The following SPMIP2 variants were observed in gnomAD, a reference collection of about 807,000 sequenced individuals.
SPMIP2 encodes sperm microtubule inner protein 2, also known as protein SPMIP2.
At chr4:158,970,491 G>A in the SPMIP2 span, among the ~76,000 whole-genome samples, 3 of 151,852 alleles carry the variant, frequency 2.0e-5, no homozygotes, top group Non-Finnish European at 2.9e-5. Context: ...AGTGAGCTAT[G>A]AGCATGCCAC....
At chr4:159,069,406 A>G in the SPMIP2 span, among the ~76,000 whole-genome samples, 1 of 152,156 alleles carries the variant, frequency 6.6e-6, no homozygotes, top group Non-Finnish European at 1.5e-5. Flanking sequence ...TTTAGGAAGT[A>G]TGAATTTAGG....
chr4:158,978,170 T>C, the SPMIP2 span, among the ~76,000 whole-genome samples: 1 of 152,214 alleles, frequency 6.6e-6, no homozygotes, highest in African/African-American at 2.4e-5. Flanking sequence ...CTTCATTTCG[T>C]TATTTACCCA....
chr4:158,893,865 A>G, the SPMIP2 span: 3 of 565,018 alleles, frequency 5.3e-6, no homozygotes, highest in Non-Finnish European at 9.3e-6. Flanking sequence ...AATTCTTTTT[A>G]CTTCCTTTGG....
chr4:158,926,877 T>C, the SPMIP2 span, among the ~76,000 whole-genome samples: 1 of 152,124 alleles, frequency 6.6e-6, no homozygotes, highest in Non-Finnish European at 1.5e-5. Context: ...GGCACTGAGG[T>C]TGAAAAATTA....
chr4:159,020,981 T>C, the SPMIP2 span, among the ~76,000 whole-genome samples: 1 of 152,202 alleles, frequency 6.6e-6, no homozygotes, highest in African/African-American at 2.4e-5. Context: ...CAGGATGGTC[T>C]CGATCTCCTG....
chr4:158,975,414 GGGTTTTTAT>G, the SPMIP2 span, among the ~76,000 whole-genome samples: 1 of 152,102 alleles, frequency 6.6e-6, no homozygotes, highest in Admixed American at 6.5e-5. Context: ...TTTTCTTCTA[GGGTTTTTAT>G]GGTTTTAGGT....
At chr4:158,958,516 C>G in the SPMIP2 span, among the ~76,000 whole-genome samples, 1 of 152,196 alleles carries the variant, frequency 6.6e-6, no homozygotes, top group African/African-American at 2.4e-5. Context: ...AGGGCATATA[C>G]TGAGGCTGGC....
the SPMIP2 span, among the ~76,000 whole-genome samples, chr4:159,076,218 T>C: frequency 5.9e-5 from 9 of 152,182 alleles, no homozygotes; most frequent in Non-Finnish European, 1.0e-4. Flanking sequence ...CCTCAAACCT[T>C]GGTCTGTGTC....
chr4:158,981,386 C>T, the SPMIP2 span, among the ~76,000 whole-genome samples: 1 of 152,046 alleles, frequency 6.6e-6, no homozygotes, highest in Non-Finnish European at 1.5e-5. Context: ...AGAAGAGCAA[C>T]CCCAAGACAC....
the SPMIP2 span, among the ~76,000 whole-genome samples, chr4:159,038,026 C>T: frequency 6.6e-6 from 1 of 151,578 alleles, no homozygotes; most frequent in African/African-American, 2.4e-5. Flanking sequence ...ATGCATTTAC[C>T]AGTTTATTCA....
the SPMIP2 span, among the ~76,000 whole-genome samples, chr4:158,961,056 C>G: frequency 2.6e-5 from 4 of 152,144 alleles, no homozygotes; most frequent in East Asian, 7.7e-4. Flanking sequence ...TGGTCTATAA[C>G]CATTTCTCAA....
chr4:159,082,465 G>GTGTGTGTA, the SPMIP2 span, among the ~76,000 whole-genome samples: 3,568 of 149,290 alleles, frequency 0.024, 114 homozygotes, highest in South Asian at 0.093. Flanking sequence ...GTGTGTGTGT[G>GTGTGTGTA]TGTGTGTGTG....
At chr4:158,964,790 A>G in the SPMIP2 span, among the ~76,000 whole-genome samples, 1 of 152,188 alleles carries the variant, frequency 6.6e-6, no homozygotes. Context: ...ACTTACAATC[A>G]TGGCAGAAAA....
At chr4:158,898,631 T>G in the SPMIP2 span, among the ~76,000 whole-genome samples, 1 of 152,170 alleles carries the variant, frequency 6.6e-6, no homozygotes, top group South Asian at 2.1e-4. Context: ...GTGATTTGGC[T>G]CTCTGTCTGT....
chr4:159,007,020 A>G, the SPMIP2 span: 1 of 421,826 alleles, frequency 2.4e-6, no homozygotes, highest in Non-Finnish European at 4.6e-6. Flanking sequence ...TTGTCCTGTG[A>G]AAGTTTTGAT....
At chr4:159,037,255 G>A in the SPMIP2 span, among the ~76,000 whole-genome samples, 27 of 152,118 alleles carry the variant, frequency 1.8e-4, no homozygotes, top group African/African-American at 4.8e-4. Flanking sequence ...AACCAGGTTA[G>A]CTCTTCTCCA....
the SPMIP2 span, among the ~76,000 whole-genome samples, chr4:159,025,845 G>A: frequency 1.3e-5 from 2 of 152,010 alleles, no homozygotes; most frequent in Non-Finnish European, 2.9e-5. Context: ...AAGAGTTAAG[G>A]GGAAAGCCGA....
the SPMIP2 span, among the ~76,000 whole-genome samples, chr4:159,036,019 T>C: frequency 7.9e-5 from 12 of 152,238 alleles, no homozygotes; most frequent in African/African-American, 2.9e-4. Context: ...TTGTATGCAA[T>C]AAATAGTTAA....
the SPMIP2 span, among the ~76,000 whole-genome samples, chr4:158,989,272 T>A: frequency 6.6e-6 from 1 of 152,172 alleles, no homozygotes; most frequent in South Asian, 2.1e-4. Flanking sequence ...TGCTCATGGA[T>A]AACAAGAATC....
Sources: gnomAD v4.1 joint callset for allele counts (sites outside exome capture counted in the v4.1 genomes callset) on GRCh38, gnomAD v4.1.1 for gene constraint, MANE v1.5 for transcripts, NCBI Gene and HGNC (gene_info 2026-07-23, HGNC 2026-07-21) for gene names.